ATF7: variants seen among roughly 807,000 people sequenced by gnomAD.
ATF7 encodes activating transcription factor 7.
ATF7 carries 10 observed loss-of-function variants against 50.4 expected under a neutral mutation model. The observed-to-expected ratio is 0.20, with a 90% CI of 0.12 to 0.34. The LOEUF (loss-of-function observed/expected upper bound fraction) is 0.34, where lower values mean the gene tolerates loss of function less well. Among genes scored for constraint, ATF7 ranks in the 10% least tolerant of loss-of-function variants. The probability of loss-of-function intolerance (pLI) is 1.00; values close to 1 mark genes in which losing one functional copy is unlikely to be tolerated. For synonymous variants in ATF7, 201 were observed against 226.4 expected (o/e 0.89, Z 1.01); for missense variants, 465 against 613.9 (o/e 0.76, Z 2.56).
rs576209609 is a variant in ATF7 at position 53,549,709 on chromosome 12, C to A, written c.145+2832G>T. Reference sequence around the variant, plus strand: ...ATTCTCCTGCCTCAGCCTCAGCCTGCCGAGTAGCTGGGACTACAGGCGCTC... The same window carrying A: ...ATTCTCCTGCCTCAGCCTCAGCCTGACGAGTAGCTGGGACTACAGGCGCTC... On this transcript the variant is annotated intron_variant, in intron 3 of 11. Transcript: ENST00000420353. Among the ~76,000 whole-genome samples the A allele has an allele frequency of 2.0e-5, 3 of 152,154 alleles. No individual in the cohort carries two copies. The South Asian group carries it at 6.2e-4, about 32-fold the overall frequency.
chr12:53,619,077 G>T (rs1052293093), intron 1 of ATF7, among the ~76,000 whole-genome samples: 5 of 151,292 alleles, frequency 3.3e-5, no homozygotes, highest in Non-Finnish European at 4.4e-5. Flanking sequence ...AGAAGAAAAT[G>T]AAAAGTTAGG....
chr12:53,529,690 AATAC>A lies in ATF7; in HGVS notation c.927+2050_927+2053del, dbSNP rs534562642. On this transcript the variant is annotated intron_variant, in intron 9 of 11. Coordinates refer to ENST00000420353, the MANE Select transcript of ATF7 (RefSeq NM_006856.3). The stretch of plus-strand genomic sequence containing the variant: ...ATATATATATACACACATATATATA[AATAC>A]ATATATATATACACATACACACACA... Among the ~76,000 whole-genome samples the A allele has an allele frequency of 1.5e-3, 168 of 110,428 alleles. 1 individual carries two copies. The East Asian group carries it at 0.048, about 32-fold the overall frequency. The allele number at this position is 110,428 out of a possible 152,430, so 72.4% of individuals were successfully genotyped here.
rs1433426093 is a variant in ATF7 at position 53,600,892 on chromosome 12, G to A, written c.48+61C>T. 6 of 1,544,208 alleles carry A rather than the reference G, an allele frequency of 3.9e-6. No homozygotes were observed. The African/African-American group carries it at 8.2e-5, about 21-fold the overall frequency. On this transcript the variant is annotated intron_variant, in intron 2 of 11. Coordinates refer to ENST00000420353, the MANE Select transcript of ATF7 (RefSeq NM_006856.3). ...CTGGCTTTAAACTCTTTGCCTTAGT[G>A]ATAAAACAGCCACTTTGATTCACAA...
At chr12:53,588,882 G>C (rs1381139310) in intron 2 of ATF7, among the ~76,000 whole-genome samples, 1 of 152,104 alleles carries the variant, frequency 6.6e-6, no homozygotes, top group East Asian at 1.9e-4. Context: ...TTGTAGACTA[G>C]GGCTGAGGCA....
intron 1 of ATF7, among the ~76,000 whole-genome samples, chr12:53,616,136 G>A (rs572819845): frequency 9.2e-5 from 14 of 152,274 alleles, no homozygotes; most frequent in African/African-American, 3.4e-4. Flanking sequence ...GTGAGAAGGT[G>A]GGGCTGTGGC....
intron 2 of ATF7, among the ~76,000 whole-genome samples, chr12:53,565,641 T>G (rs993910113): frequency 1.3e-5 from 2 of 151,910 alleles, no homozygotes; most frequent in Non-Finnish European, 2.9e-5. Context: ...TACAGGTGTG[T>G]GCTACCACAC....
intron 1 of ATF7, among the ~76,000 whole-genome samples, chr12:53,620,383 T>C (rs1373128367): frequency 4.0e-5 from 6 of 151,042 alleles, no homozygotes; most frequent in Middle Eastern, 3.4e-3. Context: ...GAGACCATCC[T>C]GGCTAAAACG....
chr12:53,560,342 C>A (rs1000912029), intron 2 of ATF7, among the ~76,000 whole-genome samples: 2 of 151,936 alleles, frequency 1.3e-5, no homozygotes, highest in African/African-American at 2.4e-5. Context: ...CTTTTCCTAA[C>A]CTCATTTAAC....
At chr12:53,622,173 G>C (rs1944406939) in intron 1 of ATF7, among the ~76,000 whole-genome samples, 1 of 151,884 alleles carries the variant, frequency 6.6e-6, no homozygotes. Flanking sequence ...TGGATGGCGG[G>C]CACCTGTACT....
intron 5 of ATF7, among the ~76,000 whole-genome samples, chr12:53,536,242 T>C (rs564521277): frequency 3.9e-5 from 6 of 152,112 alleles, no homozygotes; most frequent in African/African-American, 1.2e-4. Flanking sequence ...GATATGTTTG[T>C]GGGATTCACT....
chr12:53,564,653 T>G (rs1941340925), intron 2 of ATF7, among the ~76,000 whole-genome samples: 1 of 152,196 alleles, frequency 6.6e-6, no homozygotes, highest in African/African-American at 2.4e-5. Flanking sequence ...TATGTTACAA[T>G]TAAATCAACA....
intron 1 of ATF7, among the ~76,000 whole-genome samples, chr12:53,623,037 G>A (rs762685681): frequency 6.6e-6 from 1 of 152,166 alleles, no homozygotes; most frequent in Non-Finnish European, 1.5e-5. Context: ...AAAGCGATAA[G>A]TGTCATGAAA....
chr12:53,560,089 AT>A (rs1202516239), intron 2 of ATF7, among the ~76,000 whole-genome samples: 1 of 151,562 alleles, frequency 6.6e-6, no homozygotes, highest in African/African-American at 2.4e-5. Flanking sequence ...CACCCGGCTA[AT>A]TTTTTGTGTT....
chr12:53,566,772 G>C (rs1941467516), intron 2 of ATF7, among the ~76,000 whole-genome samples: 1 of 151,618 alleles, frequency 6.6e-6, no homozygotes, highest in African/African-American at 2.4e-5. Context: ...GCTTTGTTTT[G>C]AGATGCAGTC....
intron 1 of ATF7, among the ~76,000 whole-genome samples, chr12:53,617,520 T>C (rs1048415778): frequency 1.3e-5 from 2 of 152,080 alleles, no homozygotes; most frequent in Non-Finnish European, 2.9e-5. Context: ...TCCCAGCTAC[T>C]CGGGAGGCTG....
rs367997913 is a variant in ATF7 at position 53,622,488 on chromosome 12, C to T, written c.-22+3791G>A. Reference sequence around the variant, plus strand: ...ACAAAAAATTAGTCAGGCATGGTGGCGGGCGCCTGCTAGTCCCAGCTACTC... The same window carrying T: ...ACAAAAAATTAGTCAGGCATGGTGGTGGGCGCCTGCTAGTCCCAGCTACTC... On this transcript the variant is annotated intron_variant, in intron 1 of 11. Transcript: ENST00000420353. Among the ~76,000 whole-genome samples, 16 of 151,776 alleles carry T rather than the reference C, an allele frequency of 1.1e-4. No individual in the cohort carries two copies. The East Asian group carries it at 2.1e-3, about 20-fold the overall frequency.
intron 2 of ATF7, among the ~76,000 whole-genome samples, chr12:53,567,106 A>G (rs1941485954): frequency 6.6e-6 from 1 of 152,160 alleles, no homozygotes; most frequent in Non-Finnish European, 1.5e-5. Context: ...AACCATTCCT[A>G]ACCAATATAC....
intron 1 of ATF7, among the ~76,000 whole-genome samples, chr12:53,603,070 G>A (rs1943466417): frequency 6.6e-6 from 1 of 152,178 alleles, no homozygotes; most frequent in South Asian, 2.1e-4. Context: ...CAACCAGGAA[G>A]TAAACTACAA....
intron 2 of ATF7, among the ~76,000 whole-genome samples, chr12:53,597,141 C>G (rs1273449677): frequency 6.6e-6 from 1 of 152,144 alleles, no homozygotes; most frequent in Non-Finnish European, 1.5e-5. Context: ...AACCCTATCA[C>G]CTGTCTTTTC....
Sources: gnomAD v4.1 joint callset for allele counts (sites outside exome capture counted in the v4.1 genomes callset) on GRCh38, gnomAD v4.1.1 for gene constraint, MANE v1.5 for transcripts, NCBI Gene and HGNC (gene_info 2026-07-23, HGNC 2026-07-21) for gene names.